THSD4: variants seen among roughly 807,000 people sequenced by gnomAD.
THSD4 encodes thrombospondin type 1 domain containing 4.
A neutral mutation model predicts 119.0 loss-of-function variants in THSD4; 69 were observed. The observed-to-expected ratio is 0.58, with a 90% CI of 0.48 to 0.71. The LOEUF (loss-of-function observed/expected upper bound fraction) is 0.71. Among genes scored for constraint, THSD4 ranks in the 30% least tolerant of loss-of-function variants. The probability of loss-of-function intolerance (pLI) is 0.00; values close to 1 mark genes in which losing one functional copy is unlikely to be tolerated. For synonymous variants in THSD4, 524 were observed against 540.4 expected (o/e 0.97, Z 0.42); for missense variants, 1,393 against 1,391.1 (o/e 1.00, Z -0.02).
At chr15:71,102,030 T>C (rs187943493) in intron 1 of THSD4, among the ~76,000 whole-genome samples, 15 of 152,236 alleles carry the variant, frequency 9.9e-5, no homozygotes, top group Non-Finnish European at 2.9e-5. Flanking sequence ...CTTTTCTTTC[T>C]GTATGTTAAA....
chr15:71,279,503 G>A (rs1002661674), intron 6 of THSD4, among the ~76,000 whole-genome samples: 1 of 152,230 alleles, frequency 6.6e-6, no homozygotes, highest in Non-Finnish European at 1.5e-5. Flanking sequence ...ATGCGAAGGA[G>A]TAGAACTGGA....
intron 7 of THSD4, among the ~76,000 whole-genome samples, chr15:71,556,570 C>T (rs1050259339): frequency 5.3e-5 from 8 of 151,164 alleles, no homozygotes; most frequent in African/African-American, 9.8e-5. Context: ...GGGTGAAACC[C>T]GTCTCTACAA....
intron 8 of THSD4, among the ~76,000 whole-genome samples, chr15:71,724,576 C>G (rs866288196): frequency 3.3e-5 from 1 of 30,016 alleles, no homozygotes; most frequent in African/African-American, 4.2e-5. Flanking sequence ...TGAGGCACTA[C>G]GCCCAGTCTT....
intron 6 of THSD4, among the ~76,000 whole-genome samples, chr15:71,309,422 C>T (rs931903504): frequency 2.6e-5 from 4 of 152,188 alleles, no homozygotes; most frequent in African/African-American, 9.6e-5. Flanking sequence ...ATATAATTTG[C>T]AGATATTGTC....
rs148926191 is a variant in THSD4 at position 71,480,371 on chromosome 15, G to A, written c.1152+68548G>A. ...TGTTAATGTTTTAGACATATCCCAT[G>A]TATATATAAATATAGATCATTGTCA... On this transcript the variant is annotated intron_variant, in intron 7 of 17. Coordinates refer to ENST00000261862, the MANE Select transcript of THSD4 (RefSeq NM_024817.3). Among the ~76,000 whole-genome samples the A allele has an allele frequency of 4.4e-3, 669 of 152,248 alleles. 6 individuals carry two copies. The highest frequency in any genetic ancestry group is 0.015 in the African/African-American group (639 of 41,544).
intron 6 of THSD4, among the ~76,000 whole-genome samples, chr15:71,291,347 G>T (rs1248642727): frequency 6.6e-6 from 1 of 152,128 alleles, no homozygotes; most frequent in Non-Finnish European, 1.5e-5. Context: ...TAAGGAACAG[G>T]CTCACATAGT....
chr15:71,111,862 T>C (rs1329897385), upstream of THSD4: 1 of 533,706 alleles, frequency 1.9e-6, no homozygotes. Context: ...CAAAGTGCAA[T>C]TTTCAGAACT....
chr15:71,219,968 T>G (rs2043962222), intron 4 of THSD4, among the ~76,000 whole-genome samples: 1 of 152,184 alleles, frequency 6.6e-6, no homozygotes, highest in African/African-American at 2.4e-5. Flanking sequence ...GAGCTGTGTC[T>G]TGACAAATGG....
Position 71,413,426 on chromosome 15 carries a change from A to T in THSD4, c.1152+1603A>T, listed in dbSNP as rs1186273326. Among the ~76,000 whole-genome samples, 3 of 152,282 alleles carry T rather than the reference A, an allele frequency of 2.0e-5. No individual in the cohort carries two copies. In the East Asian group the frequency reaches 5.8e-4, roughly 29 times the overall value. On this transcript the variant is annotated intron_variant, in intron 7 of 17. Coordinates refer to ENST00000261862, the MANE Select transcript of THSD4 (RefSeq NM_024817.3). ...TTCTAACTGTATTTTTTTGCCCATT[A>T]ACCATCCTCACTTTATAATCCCATC... is the stretch of plus-strand genomic sequence containing the variant.
intron 8 of THSD4, among the ~76,000 whole-genome samples, chr15:71,687,638 C>A (rs1428653656): frequency 1.3e-5 from 2 of 151,760 alleles, no homozygotes; most frequent in African/African-American, 4.8e-5. Context: ...ACCTGTAATC[C>A]CAGTTACTCG....
In THSD4 at chr15:71,748,448, A is replaced by G. The variant is rs1400916874; in HGVS notation, c.2269A>G (p.Arg757Gly). Reference protein sequence around the residue: ...SCSVPCGVGQRTRDVKCVSNI... With the variant: ...SCSVPCGVGQGTRDVKCVSNI... Reference sequence around the variant, plus strand: ...CTCGGTGCCCTGCGGCGTGGGACAGAGGACCCGTGATGTGAAGTGTGTGAG... The same window carrying G: ...CTCGGTGCCCTGCGGCGTGGGACAGGGGACCCGTGATGTGAAGTGTGTGAG... The change falls in exon 14 of 18, where the codon AGG becomes GGG. Residue 757 changes from arginine (R) to glycine (G), a missense_variant. Arg to Gly is a moderately radical substitution (Grantham distance 125). Transcript: ENST00000261862. 6.2e-7 allele frequency: 1 copy of G among 1,614,080 alleles called. No homozygotes were observed. Among genetic ancestry groups the G allele is most frequent in the Non-Finnish European group, 8.5e-7 (1 of 1,180,042 alleles).
chr15:71,678,425 G>C (rs8026748), intron 8 of THSD4, among the ~76,000 whole-genome samples: 16 of 152,086 alleles, frequency 1.1e-4, no homozygotes, highest in African/African-American at 3.4e-4. Flanking sequence ...TTCCTTCCTC[G>C]TGAGCATCAG....
chr15:71,572,612 A>G (rs760566020), intron 7 of THSD4, among the ~76,000 whole-genome samples: 3 of 152,142 alleles, frequency 2.0e-5, no homozygotes, highest in Non-Finnish European at 4.4e-5. Flanking sequence ...GATACTTAAT[A>G]TTAGGAGCCA....
intron 6 of THSD4, among the ~76,000 whole-genome samples, chr15:71,335,235 C>A (rs1020545623): frequency 6.6e-6 from 1 of 152,128 alleles, no homozygotes; most frequent in Admixed American, 6.5e-5. Context: ...AATGCAAATA[C>A]TTGTCAGCCC....
At chr15:71,549,279 G>C (rs1202936883) in intron 7 of THSD4, among the ~76,000 whole-genome samples, 4 of 152,288 alleles carry the variant, frequency 2.6e-5, no homozygotes, top group African/African-American at 9.6e-5. Flanking sequence ...GTTCCACTCT[G>C]CTTTGCTAAG....
intron 6 of THSD4, among the ~76,000 whole-genome samples, chr15:71,296,054 A>G (rs187434729): frequency 1.0e-3 from 152 of 152,284 alleles, no homozygotes; most frequent in Non-Finnish European, 1.9e-3. Flanking sequence ...TTATTTATCT[A>G]CTTATCAGTT....
chr15:71,354,062 C>T (rs78382906), intron 6 of THSD4, among the ~76,000 whole-genome samples: 2 of 152,174 alleles, frequency 1.3e-5, no homozygotes, highest in Non-Finnish European at 1.5e-5. Flanking sequence ...CCCAGGAGGC[C>T]GGGGTGGGAG....
intron 7 of THSD4, among the ~76,000 whole-genome samples, chr15:71,601,016 G>T (rs565028841): frequency 6.6e-6 from 1 of 152,210 alleles, no homozygotes; most frequent in South Asian, 2.1e-4. Flanking sequence ...TGAAGTGCTG[G>T]CATTACAGGC....
intron 6 of THSD4, among the ~76,000 whole-genome samples, chr15:71,403,502 T>A (rs1171216669): frequency 6.6e-6 from 1 of 152,156 alleles, no homozygotes; most frequent in East Asian, 1.9e-4. Context: ...TGATGTAACC[T>A]TCATGAGGGT....
Sources: gnomAD v4.1 joint callset for allele counts (sites outside exome capture counted in the v4.1 genomes callset) on GRCh38, gnomAD v4.1.1 for gene constraint, MANE v1.5 for transcripts, NCBI Gene and HGNC (gene_info 2026-07-23, HGNC 2026-07-21) for gene names.